CYREN: variants seen among roughly 807,000 people sequenced by gnomAD.
CYREN encodes the protein cell cycle regulator of non-homologous end joining.
Under a neutral mutation model 9.7 loss-of-function variants are expected in CYREN, and 7 were observed. That is an observed-to-expected ratio of 0.72 (90% CI 0.41 to 1.36). CYREN has a LOEUF of 1.36. Among genes scored for constraint, CYREN ranks in the 40% most tolerant of loss-of-function variants. CYREN has a pLI of 0.01. For synonymous variants in CYREN, 76 were observed against 77.9 expected (o/e 0.98, Z 0.13); for missense variants, 215 against 198.1 (o/e 1.09, Z -0.51).
downstream of CYREN, among the ~76,000 whole-genome samples, chr7:135,161,467 A>T (rs1280605625): frequency 1.3e-5 from 2 of 152,176 alleles, no homozygotes; most frequent in East Asian, 3.9e-4. The surrounding 1 kb of genome is among the most constrained non-coding windows in gnomAD (Gnocchi z 4.1). Context: ...TCTTTTCCAC[A>T]GCATGATGGT....
At chr7:135,150,049 T>C (rs1221247935) in intron 2 of CYREN, among the ~76,000 whole-genome samples, 1 of 152,208 alleles carries the variant, frequency 6.6e-6, no homozygotes, top group Non-Finnish European at 1.5e-5. Flanking sequence ...AAATTTTATT[T>C]TTCACTCATA....
At chr7:135,137,709 T>G (rs1233893689) in intron 2 of CYREN, among the ~76,000 whole-genome samples, 1 of 152,128 alleles carries the variant, frequency 6.6e-6, no homozygotes, top group Non-Finnish European at 1.5e-5. Flanking sequence ...AAAGAACCAC[T>G]GTCTCAGCTC....
intron 2 of CYREN, among the ~76,000 whole-genome samples, chr7:135,125,482 C>G (rs1256316281): frequency 6.6e-6 from 1 of 152,154 alleles, no homozygotes; most frequent in Non-Finnish European, 1.5e-5. Flanking sequence ...GAGCTGGTAC[C>G]ATTCCTTCTG....
chr7:135,134,698 CT>C (rs1309750356), intron 2 of CYREN: 2 of 778,812 alleles, frequency 2.6e-6, no homozygotes, highest in Admixed American at 3.0e-5. Context: ...ATGAAGACTT[CT>C]AAATGATGGT....
At chr7:135,121,925 C>T (rs1056078071) in intron 2 of CYREN, among the ~76,000 whole-genome samples, 11 of 152,338 alleles carry the variant, frequency 7.2e-5, no homozygotes, top group Admixed American at 4.6e-4. Context: ...ATCCCACTCA[C>T]GACCCACGCC....
chr7:135,112,370 A>G (rs1244379466), intron 2 of CYREN, among the ~76,000 whole-genome samples: 1 of 152,204 alleles, frequency 6.6e-6, no homozygotes, highest in Admixed American at 6.5e-5. Flanking sequence ...TCAGTCATGA[A>G]TTATTCCCAT....
intron 2 of CYREN, chr7:135,147,753 G>A (rs1829575242): frequency 2.2e-6 from 1 of 456,164 alleles, no homozygotes. Flanking sequence ...TGGGAGCTTG[G>A]ACCAGATGAT....
intron 2 of CYREN, chr7:135,115,404 A>C: frequency 1.3e-6 from 2 of 1,550,940 alleles, no homozygotes; most frequent in Non-Finnish European, 1.7e-6. Context: ...TTAAAAAGCA[A>C]AATAAAAGAA....
At chr7:135,122,515 C>T (rs943923226) in intron 2 of CYREN, among the ~76,000 whole-genome samples, 1 of 152,180 alleles carries the variant, frequency 6.6e-6, no homozygotes, top group African/African-American at 2.4e-5. Flanking sequence ...CAGCGAAGCA[C>T]ACCCCCCCAA....
At chr7:135,109,044 G>C (rs978035294) in intron 2 of CYREN, among the ~76,000 whole-genome samples, 23 of 140,434 alleles carry the variant, frequency 1.6e-4, no homozygotes, top group African/African-American at 4.9e-4. Flanking sequence ...AGATCAGTTA[G>C]GTTCTTTTTT....
At chr7:135,138,746 C>T (rs1829400028) in intron 2 of CYREN, among the ~76,000 whole-genome samples, 2 of 152,020 alleles carry the variant, frequency 1.3e-5, no homozygotes, top group South Asian at 2.1e-4. Context: ...CCTCCTCCCA[C>T]CCTTCACCCT....
intron 2 of CYREN, among the ~76,000 whole-genome samples, chr7:135,156,194 T>A (rs922367945): frequency 2.0e-5 from 3 of 152,310 alleles, no homozygotes; most frequent in Admixed American, 6.5e-5. Context: ...TTCACTTGAC[T>A]TCAGACATTT....
intron 2 of CYREN, among the ~76,000 whole-genome samples, chr7:135,120,787 T>A (rs1827027873): frequency 1.3e-5 from 2 of 152,154 alleles, no homozygotes; most frequent in Non-Finnish European, 2.9e-5. Context: ...AAAGCAGAAG[T>A]GGCTATGTTA....
intron 2 of CYREN, among the ~76,000 whole-genome samples, chr7:135,111,940 C>T (rs969954030): frequency 5.3e-5 from 8 of 152,136 alleles, no homozygotes; most frequent in South Asian, 2.1e-4. Context: ...TCTGTTTTTC[C>T]GCACAGGCAC....
intron 2 of CYREN, among the ~76,000 whole-genome samples, chr7:135,159,722 C>A (rs1375740334): frequency 6.6e-6 from 1 of 152,156 alleles, no homozygotes; most frequent in East Asian, 1.9e-4. Flanking sequence ...AACTGAAACT[C>A]AAAATTATTT....
At chr7:135,118,017 A>T (rs1035534415) in intron 2 of CYREN, among the ~76,000 whole-genome samples, 30 of 152,360 alleles carry the variant, frequency 2.0e-4, no homozygotes, top group African/African-American at 6.5e-4. Flanking sequence ...AGAGAAAAGC[A>T]GAGACTGCAG....
intron 2 of CYREN, among the ~76,000 whole-genome samples, chr7:135,137,305 G>C (rs954666718): frequency 6.6e-6 from 1 of 151,952 alleles, no homozygotes; most frequent in African/African-American, 2.4e-5. Context: ...ACTGAGGAAA[G>C]AGTCAGTATG....
chr7:135,164,523 A>C, downstream of CYREN: 1 of 1,614,068 alleles, frequency 6.2e-7, no homozygotes, highest in Non-Finnish European at 8.5e-7. Flanking sequence ...CATCTGCCTG[A>C]TGTTTTACGC....
At chr7:135,128,451 A>C in intron 2 of CYREN, 1 of 729,088 alleles carries the variant, frequency 1.4e-6, no homozygotes, top group Non-Finnish European at 2.6e-6. Flanking sequence ...AAATGTCAGA[A>C]GACCAAGAAG....
Sources: allele counts gnomAD v4.1 joint callset (sites outside exome capture counted in the v4.1 genomes callset), GRCh38; gene constraint gnomAD v4.1.1; non-coding constraint Gnocchi (gnomAD v3.1); transcripts MANE v1.5; gene names NCBI Gene and HGNC (gene_info 2026-07-23, HGNC 2026-07-21).